FAM149A: variants seen among roughly 807,000 people sequenced by gnomAD.
FAM149A encodes the protein family with sequence similarity 149 member A, also known as protein FAM149A.
A neutral mutation model predicts 78.2 loss-of-function variants in FAM149A; 71 were observed. The observed-to-expected ratio is 0.91, with a 90% CI of 0.75 to 1.11. The LOEUF (loss-of-function observed/expected upper bound fraction) is 1.11, where lower values mean the gene tolerates loss of function less well. Ranked by LOEUF, FAM149A falls within the 50% of genes least tolerant of loss-of-function variation. The pLI is 0.00. For synonymous variants in FAM149A, 446 were observed against 410.5 expected (o/e 1.09, Z -1.04); for missense variants, 1,036 against 971.0 (o/e 1.07, Z -0.89).
intron 1 of FAM149A, among the ~76,000 whole-genome samples, chr4:186,141,933 A>G (rs567041024): frequency 2.6e-5 from 4 of 152,304 alleles, no homozygotes; most frequent in South Asian, 4.2e-4. Flanking sequence ...GAAACCCACA[A>G]GGTATTGGCA....
intron 1 of FAM149A, among the ~76,000 whole-genome samples, chr4:186,136,976 T>TCTCTCTTTCTCTC (rs2099323291): frequency 4.2e-5 from 3 of 72,092 alleles, no homozygotes; most frequent in African/African-American, 1.8e-4. Context: ...CTCTCTCTCT[T>TCTCTCTTTCTCTC]TCTCTCTCTC....
At chr4:186,149,031 T>TGTGTGTGCGCGC (rs776191178) in intron 1 of FAM149A, 142 bp from the exon 2 acceptor site, 3 of 336,606 alleles carry the variant, frequency 8.9e-6, no homozygotes, top group African/African-American at 6.9e-5. Flanking sequence ...TGTGTGTGTG[T>TGTGTGTGCGCGC]GCGCTCATGC....
chr4:186,161,604 G>A (rs1734614607), intron 8 of FAM149A, among the ~76,000 whole-genome samples: 1 of 152,088 alleles, frequency 6.6e-6, no homozygotes, highest in Admixed American at 6.5e-5. Flanking sequence ...TAAATATCAG[G>A]CAAAATAAAC....
rs75877362 is a variant in FAM149A at position 186,163,003 on chromosome 4, T to G, written c.1679+55T>G. 2,983 of 1,024,752 alleles carry G rather than the reference T, an allele frequency of 2.9e-3. 68 individuals are homozygous for G. The African/African-American group carries it at 0.042, about 15-fold the overall frequency. 63.5% of individuals were successfully genotyped at this position (1,024,752 alleles called of 1,614,324 possible). A position where few individuals can be genotyped will look rare whatever the true frequency, so the allele number is the denominator to read the frequency against. On this transcript the variant is annotated intron_variant, in intron 9 of 13. Coordinates refer to ENST00000389354, the MANE Select transcript of FAM149A (RefSeq NM_001367768.3). ...AGCCTCTTCCCTGTGCTGCAAACACTGGAGCACTGAAGACTGCAGGGGACA... is the reference window on the plus strand; with the variant it reads ...AGCCTCTTCCCTGTGCTGCAAACACGGGAGCACTGAAGACTGCAGGGGACA...
intron 1 of FAM149A, chr4:186,125,831 A>ACGAGGTAGGGATGAGATGTTGAAGAAG: frequency 6.1e-6 from 6 of 981,630 alleles, no homozygotes; most frequent in Non-Finnish European, 7.2e-6. Context: ...AAAAAGAAAT[A>ACGAGGTAGGGATGAGATGTTGAAGAAG]CGAGGTAGGG....
Position 186,164,554 on chromosome 4 carries a change from C to A in FAM149A, c.1890-790C>A. On this transcript the variant is annotated intron_variant, in intron 10 of 13. Coordinates refer to ENST00000389354, the MANE Select transcript of FAM149A (RefSeq NM_001367768.3). This position sits in a 1 kb window ranked among gnomAD's most constrained non-coding sequence, Gnocchi z 4.0. ...TGACTGTTTCTTTCACAGTTTGGGA[C>A]TGATGTTTCCAGCTGTGTTGGGTCT... The A allele has an allele frequency of 2.2e-6, 2 of 891,600 alleles. No homozygotes were observed. Among genetic ancestry groups the A allele is most frequent in the Non-Finnish European group, 2.7e-6 (2 of 744,210 alleles). 55.2% of individuals were successfully genotyped at this position (891,600 alleles called of 1,614,324 possible).
rs555497937 is a variant in FAM149A at position 186,120,793 on chromosome 4, CAA to C, written c.566+15167_566+15168del. On this transcript the variant is annotated intron_variant, in intron 1 of 13. Transcript: ENST00000389354. ...TGGGCGACAGAGCAAGACTCCATCT[CAA>C]AAAAAAAAAAAAAAAGTTAGTAATC... Among the ~76,000 whole-genome samples, 532 of 66,076 alleles carry C rather than the reference CAA, an allele frequency of 8.1e-3. 4 individuals are homozygous for C. Among genetic ancestry groups the C allele is most frequent in the African/African-American group, 0.029 (490 of 16,866 alleles). The allele number at this position is 66,076 out of a possible 152,430, so 43.3% of individuals were successfully genotyped here. A position where few individuals can be genotyped will look rare whatever the true frequency, so the allele number is the denominator to read the frequency against.
chr4:186,113,953 G>A (rs1334260152), intron 1 of FAM149A, among the ~76,000 whole-genome samples: 7 of 151,314 alleles, frequency 4.6e-5, no homozygotes, highest in Non-Finnish European at 1.0e-4. Flanking sequence ...TATCCTTGTT[G>A]ACTTTCTGTC....
chr4:186,107,780 A>C (rs2099309398), intron 1 of FAM149A: 1 of 152,230 alleles, frequency 6.6e-6, no homozygotes, highest in Admixed American at 6.5e-5. Context: ...TGCTTTGCAG[A>C]ATCCTCCTGA....
At chr4:186,136,544 G>A (rs1225939354) in intron 1 of FAM149A, among the ~76,000 whole-genome samples, 3 of 152,130 alleles carry the variant, frequency 2.0e-5, no homozygotes, top group Admixed American at 2.0e-4. Context: ...TTTGAATAAT[G>A]TACTAATTCT....
chr4:186,155,783 GAAA>G (rs200704580), intron 6 of FAM149A, among the ~76,000 whole-genome samples: 1 of 149,430 alleles, frequency 6.7e-6, no homozygotes, highest in African/African-American at 2.5e-5. Flanking sequence ...GAAGAGACTA[GAAA>G]AAAAAAGAAA....
At chr4:186,162,693 T>A (rs1734699044) in intron 8 of FAM149A, 152 bp from the exon 9 acceptor site, 1 of 598,644 alleles carries the variant, frequency 1.7e-6, no homozygotes, top group Non-Finnish European at 3.0e-6. Flanking sequence ...CCCACATCTT[T>A]ATAAAATATA....
intron 4 of FAM149A, chr4:186,153,234 G>GTGC: frequency 2.0e-6 from 2 of 976,572 alleles, no homozygotes; most frequent in Non-Finnish European, 2.4e-6. Flanking sequence ...TAAGCCAAGT[G>GTGC]TGCATATTTA....
chr4:186,136,959 TCTCTTTCTCTC>T (rs2099323148), intron 1 of FAM149A, among the ~76,000 whole-genome samples: 4 of 105,436 alleles, frequency 3.8e-5, no homozygotes, highest in Admixed American at 1.0e-4. Context: ...TCTCTCTCTC[TCTCTTTCTCTC>T]TCTCTTTCTC....
intron 11 of FAM149A, among the ~76,000 whole-genome samples, chr4:186,165,903 G>A (rs1019076335): frequency 6.6e-6 from 1 of 152,212 alleles, no homozygotes; most frequent in Non-Finnish European, 1.5e-5. Flanking sequence ...AGAATTGTTA[G>A]AAGGACAAAA....
rs186238399 is a variant in FAM149A at position 186,125,607 on chromosome 4, A to G, written c.566+19965A>G. 76 of 712,964 alleles carry G rather than the reference A, an allele frequency of 1.1e-4. No homozygotes were observed. In the African/African-American group the frequency reaches 1.3e-3, roughly 12 times the overall value. The allele number at this position is 712,964 out of a possible 1,614,324, so 44.2% of individuals were successfully genotyped here. On this transcript the variant is annotated intron_variant, in intron 1 of 13. Coordinates refer to ENST00000389354, the MANE Select transcript of FAM149A (RefSeq NM_001367768.3). ...TGCACACGAGGTAAAGGGAGAGTCA[A>G]CAGCACAGGCTTGTTGTCAGGTTTA...
At chr4:186,105,706 C>T (rs1428805806) in intron 1 of FAM149A, 64 bp downstream of exon 1, 1 of 991,800 alleles carries the variant, frequency 1.0e-6, no homozygotes. Context: ...CTCCGCCTGC[C>T]GCACTCACCT....
At position 186,154,632 on chromosome 4, in the gene FAM149A, A is replaced by G. The variant is rs1429410541; in HGVS notation, c.1223A>G (p.Lys408Arg). ...GAGGAGTATTTCGCTTTTGACAGAA[A>G]AGAGGAGTAAATAGAATCTTATTTG... is the stretch of plus-strand genomic sequence containing the variant. The change falls in exon 6 of 14, where the codon AAA becomes AGA. Residue 408 changes from lysine (K) to arginine (R), a missense_variant. By Grantham distance (26) the Lys-to-Arg change is conservative. This residue lies in a region of FAM149A where 716 missense variants were observed against 711.8 expected (regional missense o/e 1.01). Transcript: ENST00000389354. The G allele has an allele frequency of 1.9e-6, 3 of 1,613,048 alleles. No homozygotes were observed. The South Asian group carries it at 3.3e-5, about 18-fold the overall frequency.
chr4:186,127,405 G>T (rs1056850845), intron 1 of FAM149A: 13 of 985,306 alleles, frequency 1.3e-5, no homozygotes, highest in African/African-American at 1.7e-5. Context: ...TTTGACAAAA[G>T]GCTTTGTGAT....
Sources: allele counts gnomAD v4.1 joint callset (sites outside exome capture counted in the v4.1 genomes callset), GRCh38; gene constraint gnomAD v4.1.1; regional missense constraint gnomAD v4.1.1; non-coding constraint Gnocchi (gnomAD v3.1); transcripts MANE v1.5; gene names NCBI Gene and HGNC (gene_info 2026-07-23, HGNC 2026-07-21).